KATNAL2: variants seen among roughly 807,000 people sequenced by gnomAD.
The protein encoded by KATNAL2 is katanin catalytic subunit A1 like 2.
KATNAL2 carries 52 observed loss-of-function variants against 76.3 expected under a neutral mutation model. The ratio of observed to expected loss-of-function variants is 0.68; its 90% CI spans 0.55 to 0.86. The LOEUF (loss-of-function observed/expected upper bound fraction) is 0.86, where lower values mean the gene tolerates loss of function less well. KATNAL2 is among the 40% of genes least tolerant of loss of function. KATNAL2 has a pLI of 0.00. For synonymous variants in KATNAL2, 243 were observed against 244.2 expected (o/e 1.00, Z 0.05); for missense variants, 660 against 668.9 (o/e 0.99, Z 0.15).
chr18:47,096,058 TC>T (rs2063220196), intron 15 of KATNAL2, among the ~76,000 whole-genome samples: 1 of 152,136 alleles, frequency 6.6e-6, no homozygotes, highest in East Asian at 1.9e-4. Flanking sequence ...AAGAAATAGG[TC>T]ATTGTTACTG....
At chr18:47,082,819 C>T (rs2062591960) in intron 15 of KATNAL2, among the ~76,000 whole-genome samples, 1 of 152,142 alleles carries the variant, frequency 6.6e-6, no homozygotes, top group South Asian at 2.1e-4. Context: ...TTTGCTGGGT[C>T]AAAGGGCTAA....
rs116457438 is a variant in KATNAL2 at position 46,958,120 on chromosome 18, G to C, written c.51+11197G>C. ...TTCTGACTGTCTTTAAACTGGGACAGCGTTTTGTTTTTTTTTTCTGCATTT... is the reference window on the plus strand; with the variant it reads ...TTCTGACTGTCTTTAAACTGGGACACCGTTTTGTTTTTTTTTTCTGCATTT... On this transcript the variant is annotated intron_variant, in intron 3 of 17. Transcript: ENST00000683218. Among the ~76,000 whole-genome samples, 500 of 152,164 alleles carry C rather than the reference G, an allele frequency of 3.3e-3. 2 individuals carry two copies. The highest frequency in any genetic ancestry group is 0.011 in the African/African-American group (476 of 41,502).
intron 10 of KATNAL2, among the ~76,000 whole-genome samples, chr18:47,066,314 G>A (rs1337943693): frequency 6.6e-6 from 1 of 152,116 alleles, no homozygotes; most frequent in Non-Finnish European, 1.5e-5. Context: ...GGCGTCTGGT[G>A]AAATTGAAGT....
At chr18:46,928,931 T>G (rs568704473) in intron 1 of KATNAL2, among the ~76,000 whole-genome samples, 3 of 151,944 alleles carry the variant, frequency 2.0e-5, no homozygotes, top group Admixed American at 6.6e-5. Context: ...GAGTAGCTGT[T>G]ATTACAGGCA....
intron 4 of KATNAL2, among the ~76,000 whole-genome samples, chr18:47,048,959 C>A (rs533130946): frequency 1.8e-4 from 27 of 151,624 alleles, no homozygotes; most frequent in South Asian, 1.5e-3. Context: ...CTCAGCCTCC[C>A]GAGTAGCTGG....
At chr18:47,033,519 G>A (rs775198012) in intron 3 of KATNAL2, 1 of 1,614,060 alleles carries the variant, frequency 6.2e-7, no homozygotes, top group Admixed American at 1.7e-5. Flanking sequence ...TCCGTAATTC[G>A]TCTGTCTCTC....
chr18:46,946,798 G>A (rs746772900), intron 2 of KATNAL2, 56 bp from the exon 3 acceptor site: 263 of 1,443,728 alleles, frequency 1.8e-4, no homozygotes, highest in Non-Finnish European at 2.4e-4. Flanking sequence ...TTAAGCGTCA[G>A]GTTCCTTGGA....
chr18:46,927,013 G>A (rs1341473156), intron 1 of KATNAL2, among the ~76,000 whole-genome samples: 15 of 152,096 alleles, frequency 9.9e-5, no homozygotes, highest in Admixed American at 7.2e-4. Flanking sequence ...AATACAGCAC[G>A]CTGATGGGTC....
intron 3 of KATNAL2, among the ~76,000 whole-genome samples, chr18:46,951,858 C>A (rs1035321916): frequency 3.9e-5 from 6 of 152,138 alleles, no homozygotes; most frequent in African/African-American, 1.4e-4. Context: ...GTAACCTCCA[C>A]CTCCCGGGTT....
At chr18:46,950,661 G>C (rs1440771879) in intron 3 of KATNAL2, among the ~76,000 whole-genome samples, 1 of 152,028 alleles carries the variant, frequency 6.6e-6, no homozygotes, top group Non-Finnish European at 1.5e-5. Context: ...ACTTGTAGCA[G>C]CTTCTTCAAA....
intron 1 of KATNAL2, among the ~76,000 whole-genome samples, chr18:46,945,275 T>C (rs954752133): frequency 3.3e-4 from 50 of 152,244 alleles, no homozygotes; most frequent in Non-Finnish European, 6.6e-4. Context: ...GTATGAAAAG[T>C]ATGTTGTGGA....
Position 47,048,169 on chromosome 18 carries a change from T to C in KATNAL2, c.122+1642T>C, listed in dbSNP as rs370511909. On this transcript the variant is annotated intron_variant, in intron 4 of 17. Coordinates refer to ENST00000683218, the MANE Select transcript of KATNAL2 (RefSeq NM_001387690.1). ...CCCATAACAAATAATTATCTGACTTTGAATGTCAACAGTGCCAAGATGGAG... is the reference window on the plus strand; with the variant it reads ...CCCATAACAAATAATTATCTGACTTCGAATGTCAACAGTGCCAAGATGGAG... Among the ~76,000 whole-genome samples the C allele has an allele frequency of 2.6e-3, 391 of 152,292 alleles. 1 individual carries two copies. Among genetic ancestry groups the C allele is most frequent in the Middle Eastern group, 0.01 (3 of 294 alleles).
intron 3 of KATNAL2, among the ~76,000 whole-genome samples, chr18:46,948,550 G>A (rs1482047095): frequency 6.6e-6 from 1 of 150,496 alleles, no homozygotes; most frequent in African/African-American, 2.5e-5. Flanking sequence ...TCAGCCTCCC[G>A]AGTACCTGGG....
chr18:46,944,082 C>T (rs2059319389), intron 1 of KATNAL2, among the ~76,000 whole-genome samples: 1 of 152,154 alleles, frequency 6.6e-6, no homozygotes, highest in Admixed American at 6.5e-5. Context: ...AGTAGCAGGT[C>T]TAGTCCAGTA....
rs377107556 is a variant in KATNAL2, at chr18:47,033,462, G to A, written c.52-12995G>A. 3 of 1,613,912 alleles carry A rather than the reference G, an allele frequency of 1.9e-6. No homozygotes were observed. In the African/African-American group the frequency reaches 4.0e-5, roughly 22 times the overall value. On this transcript the variant is annotated intron_variant, in intron 3 of 17. Coordinates refer to ENST00000683218, the MANE Select transcript of KATNAL2 (RefSeq NM_001387690.1). The stretch of plus-strand genomic sequence containing the variant: ...GCAGGTACTGCTCCCTCCAAGTTTT[G>A]TTTTCCTGTGGCTTTTCTTCCTTGA...
chr18:46,930,768 T>C (rs1470168347), intron 1 of KATNAL2, among the ~76,000 whole-genome samples: 1 of 151,538 alleles, frequency 6.6e-6, no homozygotes, highest in East Asian at 1.9e-4. Context: ...TGAGCAACCA[T>C]TGCACCTCAG....
In KATNAL2 at chr18:46,946,098, T is replaced by C; in HGVS notation, c.-468T>C. 1 of 540,986 alleles carries C rather than the reference T, an allele frequency of 1.8e-6. No individual in the cohort carries two copies. Among genetic ancestry groups the C allele is most frequent in the Non-Finnish European group, 2.4e-6 (1 of 423,122 alleles). 33.5% of individuals were successfully genotyped at this position (540,986 alleles called of 1,614,324 possible). A position where few individuals can be genotyped will look rare whatever the true frequency, so the allele number is the denominator to read the frequency against. Reference sequence around the variant, plus strand: ...TATTTTTGTATCCTGAAGGGAGAAATGGATGAAGAAGAAATGGATGAAGAA... The same window carrying C: ...TATTTTTGTATCCTGAAGGGAGAAACGGATGAAGAAGAAATGGATGAAGAA... On this transcript the variant is annotated 5_prime_UTR_variant, in exon 2 of 18. It removes an upstream start codon present in the reference 5' UTR. Coordinates refer to ENST00000683218, the MANE Select transcript of KATNAL2 (RefSeq NM_001387690.1).
chr18:47,031,622 C>T (rs757482111), intron 3 of KATNAL2, among the ~76,000 whole-genome samples: 4 of 152,160 alleles, frequency 2.6e-5, no homozygotes, highest in Admixed American at 6.5e-5. Context: ...TAGTGTAATA[C>T]TGGCAATTCT....
chr18:47,075,301 C>T lies in KATNAL2; in HGVS notation c.1033C>T (p.His345Tyr). ...VRVLFELARY[H>Y]APSTIFLDEL... ...GGTGTTATTTGAGCTTGCCCGCTAC[C>T]ACGCCCCATCCACGATCTTCCTGGA... is the stretch of plus-strand genomic sequence containing the variant. Residue 345 changes from histidine to tyrosine, a missense_variant, in exon 14 of 18, where the codon CAC (histidine) becomes TAC (tyrosine). Physicochemically the swap from His to Tyr is moderately conservative, Grantham distance 83. Transcript: ENST00000683218. 6.4e-7 allele frequency: 1 copy of T among 1,562,704 alleles called. No homozygotes were observed. The highest frequency in any genetic ancestry group is 1.4e-5 in the African/African-American group (1 of 71,566).
Sources: gnomAD v4.1 joint callset for allele counts (sites outside exome capture counted in the v4.1 genomes callset) on GRCh38, gnomAD v4.1.1 for gene constraint, MANE v1.5 for transcripts, NCBI Gene and HGNC (gene_info 2026-07-23, HGNC 2026-07-21) for gene names.